DLGAP4: variants seen among roughly 807,000 people sequenced by gnomAD.
DLGAP4 encodes the protein disks large-associated protein 4.
A neutral mutation model predicts 86.9 loss-of-function variants in DLGAP4; 18 were observed. The ratio of observed to expected loss-of-function variants is 0.21; its 90% CI spans 0.14 to 0.31. The LOEUF (loss-of-function observed/expected upper bound fraction) is 0.31, where lower values mean the gene tolerates loss of function less well. Ranked by LOEUF, DLGAP4 falls within the 10% of genes least tolerant of loss-of-function variation. The probability of loss-of-function intolerance (pLI) is 1.00; values close to 1 mark genes in which losing one functional copy is unlikely to be tolerated. For missense variants in DLGAP4, 1,085 were observed against 1,362.6 expected (o/e 0.80, Z 3.21); for synonymous variants, 548 against 574.3 (o/e 0.95, Z 0.65).
chr20:36,343,052 G>A (rs536318203), intron 1 of DLGAP4, among the ~76,000 whole-genome samples: 1 of 152,150 alleles, frequency 6.6e-6, no homozygotes, highest in Non-Finnish European at 1.5e-5. Context: ...AGAGAGGAGC[G>A]GGGACTGCTC....
intron 1 of DLGAP4, among the ~76,000 whole-genome samples, chr20:36,334,284 T>C (rs2065299387): frequency 6.6e-6 from 1 of 152,044 alleles, no homozygotes; most frequent in African/African-American, 2.4e-5. Context: ...TCAGGGGGTA[T>C]TACTGAGGCT....
intron 1 of DLGAP4, among the ~76,000 whole-genome samples, chr20:36,336,579 G>A (rs2065324328): frequency 6.6e-6 from 1 of 152,218 alleles, no homozygotes; most frequent in Non-Finnish European, 1.5e-5. Context: ...TCCCTAGGAT[G>A]ATGGCTGGCA....
chr20:36,382,976 G>A (rs1266870001), intron 2 of DLGAP4, among the ~76,000 whole-genome samples: 2 of 152,234 alleles, frequency 1.3e-5, no homozygotes, highest in Non-Finnish European at 2.9e-5. Context: ...AAGGGGGAAT[G>A]TTTACTAAGC....
chr20:36,491,546 G>A (rs2035662356), intron 7 of DLGAP4, among the ~76,000 whole-genome samples: 1 of 152,094 alleles, frequency 6.6e-6, no homozygotes, highest in African/African-American at 2.4e-5. Context: ...GGCTCCAGCA[G>A]AAACCCATGC....
intron 5 of DLGAP4, among the ~76,000 whole-genome samples, chr20:36,440,661 G>C (rs912029662): frequency 3.9e-5 from 6 of 152,136 alleles, no homozygotes; most frequent in African/African-American, 1.4e-4. Flanking sequence ...ATCTGGGGCT[G>C]TCCAGCCCAG....
At chr20:36,456,052 G>C (rs1381059707) in intron 7 of DLGAP4, among the ~76,000 whole-genome samples, 1 of 152,232 alleles carries the variant, frequency 6.6e-6, no homozygotes, top group Non-Finnish European at 1.5e-5. Context: ...GTTAAGCAAA[G>C]AAAGGTGCCA....
At position 36,467,064 on chromosome 20, in the gene DLGAP4, C is replaced by CTCTCTCTCT. The variant is rs1555907464; in HGVS notation, c.1648+20127_1648+20128insTCTCTCTCT. Among the ~76,000 whole-genome samples, 577 of 118,106 alleles carry CTCTCTCTCT rather than the reference C, an allele frequency of 4.9e-3. 66 individuals carry two copies. Among genetic ancestry groups the CTCTCTCTCT allele is most frequent in the African/African-American group, 0.026 (538 of 20,550 alleles). 77.5% of individuals were successfully genotyped at this position (118,106 alleles called of 152,430 possible). A position where few individuals can be genotyped will look rare whatever the true frequency, so the allele number is the denominator to read the frequency against. ...TCTCTCTCTCTCTCTCTCTCTCTCT[C>CTCTCTCTCT]CCCCCCCCTTCTCTCGGCCCTGCCT... is the stretch of plus-strand genomic sequence containing the variant. On this transcript the variant is annotated intron_variant, in intron 7 of 12. Transcript: ENST00000339266.
chr20:36,450,865 A>G (rs1161370832), intron 7 of DLGAP4, among the ~76,000 whole-genome samples: 1 of 152,170 alleles, frequency 6.6e-6, no homozygotes, highest in Non-Finnish European at 1.5e-5. Flanking sequence ...CCTTCTGAGC[A>G]ACTGTTGGGC....
chr20:36,462,633 T>G, intron 7 of DLGAP4: 1 of 1,571,106 alleles, frequency 6.4e-7, no homozygotes, highest in Non-Finnish European at 8.6e-7. Flanking sequence ...GGGCCGGAGT[T>G]GGCCCGCAGG....
intron 1 of DLGAP4, among the ~76,000 whole-genome samples, chr20:36,352,281 G>A (rs1349201113): frequency 6.6e-6 from 1 of 152,180 alleles, no homozygotes; most frequent in Non-Finnish European, 1.5e-5. Flanking sequence ...TGAGGTCTCA[G>A]CCTCCACTCA....
chr20:36,498,376 T>G (rs1043995224), intron 8 of DLGAP4: 2 of 152,302 alleles, frequency 1.3e-5, no homozygotes, highest in Non-Finnish European at 2.9e-5. Flanking sequence ...CCCTTGGTCC[T>G]GACCACCCAT....
intron 7 of DLGAP4, among the ~76,000 whole-genome samples, chr20:36,488,199 C>CAA (rs1287983679): frequency 1.1e-4 from 7 of 62,350 alleles, no homozygotes; most frequent in Admixed American, 1.9e-4. Flanking sequence ...GACTCTGTCT[C>CAA]AAAAAAAAAA....
chr20:36,318,330 G>A lies in DLGAP4; in HGVS notation c.-304+11818G>A, dbSNP rs935709144. On this transcript the variant is annotated intron_variant, in intron 1 of 12. Coordinates refer to ENST00000339266, the MANE Select transcript of DLGAP4 (RefSeq NM_001365621.2). ...AAGGGGCCACTGTCCTCACAGGAGCGGAGGCAAGGCATAGAGAGGAAGAGT... is the reference window on the plus strand; with the variant it reads ...AAGGGGCCACTGTCCTCACAGGAGCAGAGGCAAGGCATAGAGAGGAAGAGT... Among the ~76,000 whole-genome samples the A allele has an allele frequency of 2.4e-3, 358 of 152,206 alleles. 4 individuals carry two copies. Among genetic ancestry groups the A allele is most frequent in the African/African-American group, 7.9e-3 (330 of 41,518 alleles).
At chr20:36,385,394 T>G (rs1415064222) in intron 2 of DLGAP4, among the ~76,000 whole-genome samples, 1 of 152,140 alleles carries the variant, frequency 6.6e-6, no homozygotes, top group Non-Finnish European at 1.5e-5. Context: ...TGAAAAGGGC[T>G]GGCAGGTTAG....
At chr20:36,421,018 A>G (rs548234335) in intron 2 of DLGAP4, among the ~76,000 whole-genome samples, 2 of 152,168 alleles carry the variant, frequency 1.3e-5, no homozygotes, top group Admixed American at 6.5e-5. Context: ...GTGCACAGCT[A>G]TAGTCCCAGC....
At chr20:36,495,727 AG>A (rs1184748600) in intron 7 of DLGAP4, among the ~76,000 whole-genome samples, 5 of 152,208 alleles carry the variant, frequency 3.3e-5, no homozygotes, top group African/African-American at 1.2e-4. Flanking sequence ...AGTGGAGAAC[AG>A]GGAGTTGGAC....
In DLGAP4 at chr20:36,432,277, G is replaced by A. The variant is rs147328276; in HGVS notation, c.560G>A (p.Arg187Gln). 3.5e-5 allele frequency: 57 copies of A among 1,613,652 alleles called. No homozygotes were observed. The Admixed American group carries it at 7.0e-4, about 20-fold the overall frequency. The change falls in exon 3 of 13, where the codon CGG (arginine) becomes CAG (glutamine). Residue 187 changes from arginine (R) to glutamine (Q), a missense_variant. Physicochemically the swap from Arg to Gln is conservative, Grantham distance 43. Transcript: ENST00000339266. This position sits in a 1 kb window ranked among gnomAD's most constrained non-coding sequence, Gnocchi z 6.5. ...GGCCGGAGGGCCAAAAGCAAGGAGC[G>A]GGCCAAGGCTGGGGAGCCCAAACGG... ...GKGRRAKSKE[R>Q]AKAGEPKRRS...
chr20:36,349,209 G>A (rs566829407), intron 1 of DLGAP4, among the ~76,000 whole-genome samples: 1 of 149,796 alleles, frequency 6.7e-6, no homozygotes, highest in Non-Finnish European at 1.5e-5. Context: ...CCGAGGTCAG[G>A]AGATTGAGAT....
intron 7 of DLGAP4, among the ~76,000 whole-genome samples, chr20:36,476,946 G>C (rs2034970521): frequency 6.6e-6 from 1 of 151,724 alleles, no homozygotes; most frequent in Non-Finnish European, 1.5e-5. Flanking sequence ...GCCTGCCTCA[G>C]CCTCCCAAAG....
Sources: allele counts gnomAD v4.1 joint callset (sites outside exome capture counted in the v4.1 genomes callset), GRCh38; gene constraint gnomAD v4.1.1; non-coding constraint Gnocchi (gnomAD v3.1); transcripts MANE v1.5; gene names NCBI Gene and HGNC (gene_info 2026-07-23, HGNC 2026-07-21).